The following CDKL1 variants were observed in gnomAD, a reference collection of about 807,000 sequenced individuals.
CDKL1 encodes the protein cyclin dependent kinase like 1.
In CDKL1, 41 loss-of-function variants were observed where a neutral mutation model predicts 42.0. The ratio of observed to expected loss-of-function variants is 0.98; its 90% CI spans 0.76 to 1.27. The LOEUF (loss-of-function observed/expected upper bound fraction) is 1.27. Ranked by LOEUF, CDKL1 falls within the 50% of genes most tolerant of loss-of-function variation. The pLI is 0.00. For synonymous variants in CDKL1, 153 were observed against 158.6 expected (o/e 0.96, Z 0.26); for missense variants, 394 against 428.4 (o/e 0.92, Z 0.71).
chr14:50,353,066 A>C (rs2033950513), intron 3 of CDKL1, among the ~76,000 whole-genome samples: 1 of 152,246 alleles, frequency 6.6e-6, no homozygotes, highest in Admixed American at 6.5e-5. Flanking sequence ...ACATAGAGTC[A>C]GTCAAATCTA....
chr14:50,355,289 T>C (rs1325442637), intron 3 of CDKL1, among the ~76,000 whole-genome samples: 2 of 152,216 alleles, frequency 1.3e-5, no homozygotes, highest in African/African-American at 2.4e-5. Flanking sequence ...AATTAAGTTT[T>C]TGCACATATA....
intron 2 of CDKL1, 143 bp from the exon 3 acceptor site, chr14:50,359,292 C>A: frequency 1.1e-6 from 1 of 890,280 alleles, no homozygotes; most frequent in East Asian, 2.9e-5. Context: ...ATCATCTTAC[C>A]CCTCTTAACA....
At chr14:50,372,000 C>T (rs2034604005) in intron 2 of CDKL1, among the ~76,000 whole-genome samples, 1 of 152,210 alleles carries the variant, frequency 6.6e-6, no homozygotes, top group African/African-American at 2.4e-5. Flanking sequence ...GGACTTTGGA[C>T]ACCACTGAGC....
intron 6 of CDKL1, among the ~76,000 whole-genome samples, chr14:50,339,543 G>A: frequency 7.4e-6 from 1 of 135,234 alleles, no homozygotes; most frequent in Non-Finnish European, 1.6e-5. Context: ...GGAGGGAGGG[G>A]AGGGGAGGGG....
chr14:50,340,068 C>T (rs1216947009), intron 6 of CDKL1, among the ~76,000 whole-genome samples: 3 of 152,162 alleles, frequency 2.0e-5, no homozygotes. Flanking sequence ...ATTCCTTGCA[C>T]CTTAATAACC....
At position 50,359,090 on chromosome 14, in the gene CDKL1, A is replaced by G; in HGVS notation, c.228T>C (p.Leu76=). ...GGTCACAATATTCAAACACCAGGTGAAGCCTCCGTTTCCTCCTGAAGACTT... is the reference window on the plus strand; with the variant it reads ...GGTCACAATATTCAAACACCAGGTGGAGCCTCCGTTTCCTCCTGAAGACTT... ...LLEVFRRKRR[L]HLVFEYCDHT... is the part of the protein sequence containing the mutation. Residue 76 remains leucine (L), a synonymous_variant, in exon 3 of 10, where the codon CTT becomes CTC. Transcript: ENST00000395834. 6.2e-7 allele frequency: 1 copy of G among 1,613,150 alleles called. No homozygotes were observed.
intron 9 of CDKL1, chr14:50,330,407 G>T (rs1209407527): frequency 4.3e-6 from 2 of 460,378 alleles, no homozygotes; most frequent in Non-Finnish European, 7.3e-6. Context: ...AAGATTTAGA[G>T]AATATGAAAA....
At chr14:50,358,306 C>G (rs1017408690) in intron 3 of CDKL1, among the ~76,000 whole-genome samples, 8 of 152,166 alleles carry the variant, frequency 5.3e-5, no homozygotes, top group East Asian at 1.9e-4. Context: ...AGTAGACACC[C>G]GGATTGCTTC....
chr14:50,392,489 A>AATAATAATGATG (rs138572340), intron 2 of CDKL1, among the ~76,000 whole-genome samples: 2 of 147,260 alleles, frequency 1.4e-5, no homozygotes, highest in East Asian at 2.0e-4. Flanking sequence ...TAATAATAAT[A>AATAATAATGATG]ATGAAAGAAC....
chr14:50,390,937 T>C (rs2035239268), intron 2 of CDKL1, among the ~76,000 whole-genome samples: 1 of 152,100 alleles, frequency 6.6e-6, no homozygotes, highest in African/African-American at 2.4e-5. Flanking sequence ...AGAACTCAGG[T>C]GATCCTCCCA....
rs186815666 is a variant in CDKL1 at position 50,332,225 on chromosome 14, A to G, written c.966+37T>C. 395 of 1,614,192 alleles carry G rather than the reference A, an allele frequency of 2.4e-4. 2 individuals carry two copies. Among genetic ancestry groups the G allele is most frequent in the Middle Eastern group, 8.2e-4 (5 of 6,062 alleles). ...TCAAGTCTAGATTCCAACTCTCTGT[A>G]CCAGGTGGCAGGTAGGAGATCATTT... On this transcript the variant is annotated intron_variant, in intron 9 of 9. Transcript: ENST00000395834.
At chr14:50,363,644 A>G (rs1262204027) in intron 2 of CDKL1, among the ~76,000 whole-genome samples, 2 of 152,324 alleles carry the variant, frequency 1.3e-5, no homozygotes, top group East Asian at 1.9e-4. Flanking sequence ...TCCACATTCC[A>G]TATTTAGTCC....
In CDKL1 at chr14:50,362,959, G is replaced by C. The variant is rs776519046; in HGVS notation, c.169-3810C>G. On this transcript the variant is annotated intron_variant, in intron 2 of 9. Transcript: ENST00000395834. ...TGCAATAAATCTTGCTGCTGCTCAC[G>C]CTTTGGGTCCGCACTGCTGTAACAC... The C allele has an allele frequency of 1.7e-5, 8 of 464,668 alleles. No individual in the cohort carries two copies. The East Asian group carries it at 2.1e-4, about 12-fold the overall frequency. 28.8% of individuals were successfully genotyped at this position (464,668 alleles called of 1,614,324 possible). A position where few individuals can be genotyped will look rare whatever the true frequency, so the allele number is the denominator to read the frequency against.
In CDKL1 at chr14:50,342,207, C is replaced by A. The variant is rs1305132789; in HGVS notation, c.379G>T (p.Val127Leu). The A allele has an allele frequency of 5.0e-6, 8 of 1,613,728 alleles. No individual in the cohort carries two copies. The highest frequency in any genetic ancestry group is 5.1e-6 in the Non-Finnish European group (6 of 1,179,794). ...GTGATGAGGATATTTTCTGGCTTCA[C>A]GTCTCTATGTATGCACTAGTGTAAC... is the stretch of plus-strand genomic sequence containing the variant. ...CHKHNCIHRD[V>L]KPENILITKH... Residue 127 changes from valine to leucine, a missense_variant, in exon 5 of 10, where the codon GTG becomes TTG. Val to Leu is a conservative substitution (Grantham distance 32). Transcript: ENST00000395834.
In CDKL1 at chr14:50,393,062, G is replaced by A. The variant is rs972917401; in HGVS notation, c.168+2639C>T. 3.3e-5 allele frequency among the ~76,000 whole-genome samples: 5 copies of A among 152,142 alleles called. No individual in the cohort carries two copies. In the East Asian group the frequency reaches 5.8e-4, roughly 18 times the overall value. ...GCTAAGACACTGGGTTATTACCTGT[G>A]TTCCCTCAATATAGGGTGCTTTCTA... On this transcript the variant is annotated intron_variant, in intron 2 of 9. Transcript: ENST00000395834.
upstream of CDKL1, chr14:50,397,218 C>G (rs1353761981): frequency 1.2e-5 from 16 of 1,366,648 alleles, no homozygotes; most frequent in Non-Finnish European, 1.6e-5. Context: ...GTCCCCACAC[C>G]TCAGAACCGC....
chr14:50,353,470 A>G (rs2139432904), intron 3 of CDKL1, among the ~76,000 whole-genome samples: 1 of 152,334 alleles, frequency 6.6e-6, no homozygotes, highest in South Asian at 2.1e-4. Flanking sequence ...AGGCTATCAC[A>G]AAGATGGGAA....
At chr14:50,335,372 C>A in intron 7 of CDKL1, 2 of 889,976 alleles carry the variant, frequency 2.2e-6, no homozygotes, top group Non-Finnish European at 3.4e-6. Flanking sequence ...GATGTTTTTC[C>A]CCTACCCAGG....
At chr14:50,395,335 G>A (rs1470932310) in intron 2 of CDKL1, among the ~76,000 whole-genome samples, 1 of 152,176 alleles carries the variant, frequency 6.6e-6, no homozygotes, top group African/African-American at 2.4e-5. Context: ...ACCTTACCTG[G>A]CACTTTTGTC....
Sources: allele counts gnomAD v4.1 joint callset (sites outside exome capture counted in the v4.1 genomes callset), GRCh38; gene constraint gnomAD v4.1.1; transcripts MANE v1.5; gene names NCBI Gene and HGNC (gene_info 2026-07-23, HGNC 2026-07-21).